CAP2: variants seen among roughly 807,000 people sequenced by gnomAD.
CAP2 encodes the protein adenylyl cyclase-associated protein 2.
Under a neutral mutation model 57.7 loss-of-function variants are expected in CAP2, and 24 were observed. The ratio of observed to expected loss-of-function variants is 0.42; its 90% CI spans 0.30 to 0.58. CAP2 has a LOEUF of 0.58. Ranked by LOEUF, CAP2 falls within the 20% of genes least tolerant of loss-of-function variation. The pLI is 0.22. For missense variants in CAP2, 501 were observed against 590.3 expected, an observed-to-expected ratio of 0.85 and a Z score of 1.57; for synonymous variants, 194 against 207.2, an observed-to-expected ratio of 0.94 and a Z score of 0.55.
At chr6:17,485,090 T>C (rs561374257) in intron 4 of CAP2, among the ~76,000 whole-genome samples, 17 of 152,236 alleles carry the variant, frequency 1.1e-4, no homozygotes, top group African/African-American at 4.1e-4. Context: ...AGGGAGAGAA[T>C]TTGAGATAAG....
intron 1 of CAP2, among the ~76,000 whole-genome samples, chr6:17,394,511 T>C (rs1162182823): frequency 2.0e-5 from 3 of 152,044 alleles, no homozygotes; most frequent in African/African-American, 7.2e-5. Flanking sequence ...TAAAAATGAG[T>C]ATGTATGGGT....
At chr6:17,522,044 G>T (rs909840747) in intron 7 of CAP2, among the ~76,000 whole-genome samples, 2 of 152,100 alleles carry the variant, frequency 1.3e-5, no homozygotes, top group African/African-American at 4.8e-5. Context: ...GGGAGGTGGA[G>T]GTTGCAGTCA....
At chr6:17,442,739 A>G (rs1760124230) in intron 3 of CAP2, among the ~76,000 whole-genome samples, 2 of 148,160 alleles carry the variant, frequency 1.3e-5, no homozygotes. Flanking sequence ...TTTTTTTGAG[A>G]CAGAATATCA....
intron 3 of CAP2, among the ~76,000 whole-genome samples, chr6:17,435,176 A>T (rs1382793330): frequency 8.8e-5 from 10 of 113,472 alleles, no homozygotes; most frequent in African/African-American, 1.7e-4. Flanking sequence ...CCATCCCATT[A>T]CTGGGTATAT....
intron 4 of CAP2, among the ~76,000 whole-genome samples, chr6:17,496,030 G>GGGGGA (rs1561804638): frequency 2.4e-5 from 1 of 41,182 alleles, no homozygotes; most frequent in Non-Finnish European, 5.6e-5. Flanking sequence ...GTGTGGGTGG[G>GGGGGA]GGGGGGGGGT....
intron 3 of CAP2, among the ~76,000 whole-genome samples, chr6:17,451,701 G>A (rs1344744529): frequency 1.3e-5 from 2 of 151,936 alleles, no homozygotes; most frequent in Admixed American, 1.3e-4. Context: ...GTAGAGACGG[G>A]GTTTCTCCAT....
intron 4 of CAP2, among the ~76,000 whole-genome samples, chr6:17,506,079 T>G (rs1015314940): frequency 6.6e-6 from 1 of 151,990 alleles, no homozygotes; most frequent in Non-Finnish European, 1.5e-5. Flanking sequence ...CATTTTTTTT[T>G]GTAGAAGTGG....
At chr6:17,400,298 C>G (rs1741258645) in intron 1 of CAP2, among the ~76,000 whole-genome samples, 1 of 152,078 alleles carries the variant, frequency 6.6e-6, no homozygotes. Context: ...TATTATTATG[C>G]ACAGTTTAAT....
chr6:17,418,131 C>T (rs550998117), intron 1 of CAP2, among the ~76,000 whole-genome samples: 1 of 152,184 alleles, frequency 6.6e-6, no homozygotes, highest in South Asian at 2.1e-4. Flanking sequence ...GAGGGTATAT[C>T]GGGAGACAGA....
At chr6:17,452,956 G>T (rs1309011117) in intron 3 of CAP2, among the ~76,000 whole-genome samples, 1 of 152,126 alleles carries the variant, frequency 6.6e-6, no homozygotes, top group Non-Finnish European at 1.5e-5. Flanking sequence ...GTGGAGGAGG[G>T]GGCCACATAT....
Position 17,426,658 on chromosome 6 carries a change from A to C in CAP2, c.190A>C (p.Ser64Arg), listed in dbSNP as rs1759599154. The C allele has an allele frequency of 6.2e-7, 1 of 1,613,912 alleles. No homozygotes were observed. Among genetic ancestry groups the C allele is most frequent in the African/African-American group, 1.3e-5 (1 of 74,932 alleles). Residue 64 changes from serine to arginine, a missense_variant, in exon 3 of 13, where the codon AGT becomes CGT. Ser to Arg is a moderately radical substitution (Grantham distance 110, BLOSUM62 -1). Coordinates refer to ENST00000229922, the MANE Select transcript of CAP2 (RefSeq NM_006366.3). The part of the protein sequence containing the change: ...DSMVAEFLKN[S>R]RILAGDVETH... ...TATGGTGGCCGAGTTTTTAAAGAAC[A>C]GTAGGATCCTTGCTGGGGACGTGGA...
At chr6:17,500,337 CCAAA>C (rs1761774272) in intron 4 of CAP2, among the ~76,000 whole-genome samples, 1 of 18,714 alleles carries the variant, frequency 5.3e-5, no homozygotes, top group African/African-American at 1.6e-4. Flanking sequence ...ATGTGTGTGT[CCAAA>C]TATATATATA....
At chr6:17,409,305 G>T (rs1017613427) in intron 1 of CAP2, among the ~76,000 whole-genome samples, 4 of 151,814 alleles carry the variant, frequency 2.6e-5, no homozygotes, top group Non-Finnish European at 5.9e-5. Context: ...CCAGGAAGCG[G>T]ATGTTGCGGT....
Position 17,520,509 on chromosome 6 carries a change from C to T in CAP2, c.636+6555C>T, listed in dbSNP as rs138462474. 2.9e-3 allele frequency among the ~76,000 whole-genome samples: 442 copies of T among 152,246 alleles called. 3 individuals are homozygous for T. Among genetic ancestry groups the T allele is most frequent in the African/African-American group, 9.9e-3 (413 of 41,556 alleles). On this transcript the variant is annotated intron_variant, in intron 7 of 12. Coordinates refer to ENST00000229922, the MANE Select transcript of CAP2 (RefSeq NM_006366.3). ...CCTGAACCTCCAGGAAAATGCAAGT[C>T]GTTGGTGGTGGTTACAATTATAGAC...
chr6:17,523,943 G>A (rs997496104), intron 7 of CAP2, among the ~76,000 whole-genome samples: 2 of 152,024 alleles, frequency 1.3e-5, no homozygotes, highest in Admixed American at 6.6e-5. Flanking sequence ...GCGTGGTGAC[G>A]CATGCCTGTA....
intron 8 of CAP2, among the ~76,000 whole-genome samples, chr6:17,540,382 G>A (rs1026733792): frequency 4.0e-5 from 6 of 151,792 alleles, no homozygotes; most frequent in African/African-American, 1.5e-4. Context: ...TTTTCGTGAG[G>A]TGGTTTGCTC....
chr6:17,529,651 A>AATATATATATAT (rs1554129488), intron 7 of CAP2, among the ~76,000 whole-genome samples: 4 of 134,538 alleles, frequency 3.0e-5, no homozygotes, highest in African/African-American at 8.8e-5. Context: ...AAAAAAAAAA[A>AATATATATATAT]ATATATATAT....
At chr6:17,418,470 C>T (rs183533827) in intron 1 of CAP2, among the ~76,000 whole-genome samples, 2 of 152,212 alleles carry the variant, frequency 1.3e-5, no homozygotes, top group African/African-American at 4.8e-5. Context: ...TGGGCTGACT[C>T]CTGTTGTCTT....
At chr6:17,467,836 T>G (rs1157161253) in intron 4 of CAP2, among the ~76,000 whole-genome samples, 1 of 152,132 alleles carries the variant, frequency 6.6e-6, no homozygotes, top group Non-Finnish European at 1.5e-5. Context: ...TCTTCGTTAT[T>G]TTAAAATGTG....
Sources: gnomAD v4.1 joint callset for allele counts (sites outside exome capture counted in the v4.1 genomes callset) on GRCh38, gnomAD v4.1.1 for gene constraint, MANE v1.5 for transcripts, NCBI Gene and HGNC (gene_info 2026-07-23, HGNC 2026-07-21) for gene names.